Variants in SELENOP observed in about 807,000 individuals in gnomAD.
SELENOP encodes the protein selenoprotein P, plasma, 1.
Under a neutral mutation model 41.0 loss-of-function variants are expected in SELENOP, and 36 were observed. The observed-to-expected ratio is 0.88, with a 90% CI of 0.67 to 1.16. The LOEUF is 1.16. Ranked by LOEUF, SELENOP falls within the 50% of genes most tolerant of loss-of-function variation. The pLI is 0.00. For missense variants in SELENOP, 440 were observed against 454.2 expected, an observed-to-expected ratio of 0.97 and a Z score of 0.28; for synonymous variants, 144 against 150.8, an observed-to-expected ratio of 0.95 and a Z score of 0.33.
At chr5:42,805,924 A>G (rs1290677604) in intron 3 of SELENOP, 1 of 152,238 alleles carries the variant, frequency 6.6e-6, no homozygotes, top group Non-Finnish European at 1.5e-5. Context: ...GCAATAATCA[A>G]AAGCAAATAT....
rs1561282217 is a variant in SELENOP at position 42,800,717 on chromosome 5, T to C, written c.*3A>G. On this transcript the variant is annotated 3_prime_UTR_variant, in exon 5 of 5. Coordinates refer to ENST00000514985, the MANE Select transcript of SELENOP (RefSeq NM_005410.4). ...ATTGGGGAGTATGTCCTATTTTAAATATTTAGTTTGAAGGTCATTCTCACT... is the reference window on the plus strand; with the variant it reads ...ATTGGGGAGTATGTCCTATTTTAAACATTTAGTTTGAAGGTCATTCTCACT... 1.9e-6 allele frequency: 3 copies of C among 1,593,612 alleles called. No individual in the cohort carries two copies. Among genetic ancestry groups the C allele is most frequent in the East Asian group, 2.2e-5 (1 of 44,446 alleles).
chr5:42,808,059 A>T, intron 2 of SELENOP, 92 bp downstream of exon 2: 1 of 551,966 alleles, frequency 1.8e-6, no homozygotes, highest in Non-Finnish European at 2.9e-6. Flanking sequence ...GACTTAATAC[A>T]TTATTTACAC....
chr5:42,807,429 A>C (rs920200345), intron 2 of SELENOP: 5 of 175,336 alleles, frequency 2.9e-5, no homozygotes, highest in African/African-American at 4.8e-5. Context: ...AATGGTTGGA[A>C]AAAAAAAGAT....
intron 2 of SELENOP, chr5:42,807,333 G>A: frequency 3.3e-6 from 1 of 305,790 alleles, no homozygotes; most frequent in East Asian, 5.3e-5. Flanking sequence ...ACAAACATTG[G>A]TTTAGTTCTC....
chr5:42,804,875 T>TTTCCC, intron 3 of SELENOP, 102 bp from the exon 4 acceptor site: 1 of 700,970 alleles, frequency 1.4e-6, no homozygotes, highest in Non-Finnish European at 2.3e-6. Flanking sequence ...TGGTCATAAC[T>TTTCCC]AAGACCCTTT....
At chr5:42,804,446 G>A (rs1485499028) in intron 4 of SELENOP, among the ~76,000 whole-genome samples, 1 of 152,004 alleles carries the variant, frequency 6.6e-6, no homozygotes, top group African/African-American at 2.4e-5. Context: ...CGGCGACAGA[G>A]ACAGACTCCG....
At chr5:42,807,997 G>T (rs1760370286) in intron 2 of SELENOP, 154 bp downstream of exon 2, 1 of 402,650 alleles carries the variant, frequency 2.5e-6, no homozygotes, top group Non-Finnish European at 4.3e-6. Flanking sequence ...TATCATCCTA[G>T]TTTCTCTCTT....
intron 1 of SELENOP, chr5:42,810,668 C>T (rs1760439202): frequency 1.5e-5 from 3 of 202,748 alleles, no homozygotes; most frequent in African/African-American, 2.4e-5. Context: ...CCATGTTGGC[C>T]AGGCTGGTCT....
rs985058941 is a variant in SELENOP at position 42,800,989 on chromosome 5, A to G, written c.877T>C (p.Ser293Pro). The change falls in exon 5 of 5, where the codon TCA (serine) becomes CCA (proline). Residue 293 changes from serine (S) to proline (P), a missense_variant. By Grantham distance (74) the Ser-to-Pro change is moderately conservative. Coordinates refer to ENST00000514985, the MANE Select transcript of SELENOP (RefSeq NM_005410.4). ...NQLLCKLPTD[S>P]ELAPRSUCCH... ...CATCAGCTCCTAGGAGCCAACTCTG[A>G]ATCTGTGGGCAATTTACAGAGTAAT... 3.1e-6 allele frequency: 5 copies of G among 1,614,106 alleles called. No individual in the cohort carries two copies. The African/African-American group carries it at 6.7e-5, about 22-fold the overall frequency.
chr5:42,801,032 T>A lies in SELENOP; in HGVS notation c.834A>T (p.Arg278=). ...AGAGTAATTGATTTATACATCTCTT[T>A]CGACAGAGCTTCTTTTGTAAATCTT... ...DLQDLQKKLC[R]KRCINQLLCK... The change falls in exon 5 of 5, where the codon CGA becomes CGT. Residue 278 remains arginine, a synonymous_variant. Transcript: ENST00000514985. 6.2e-7 allele frequency: 1 copy of A among 1,614,260 alleles called. No homozygotes were observed. Among genetic ancestry groups the A allele is most frequent in the Non-Finnish European group, 8.5e-7 (1 of 1,180,038 alleles).
chr5:42,803,811 T>C lies in SELENOP; in HGVS notation c.534+845A>G, dbSNP rs28919912. On this transcript the variant is annotated intron_variant, in intron 4 of 4. Coordinates refer to ENST00000514985, the MANE Select transcript of SELENOP (RefSeq NM_005410.4). ...ATTTTCATGGTTGTTAGGAAATAAA[T>C]ACCAGTAATGAGTAGAAAACTTACT... 1.2e-3 allele frequency among the ~76,000 whole-genome samples: 176 copies of C among 152,304 alleles called. 4 individuals are homozygous for C. The East Asian group carries it at 0.033, about 28-fold the overall frequency.
chr5:42,807,131 C>G, intron 2 of SELENOP, 23 bp from the exon 3 acceptor site: 1 of 1,153,598 alleles, frequency 8.7e-7, no homozygotes, highest in Non-Finnish European at 1.3e-6. Flanking sequence ...GGAAGAAATA[C>G]ATAAAATGAA....
chr5:42,803,272 T>C lies in SELENOP; in HGVS notation c.534+1384A>G, dbSNP rs182088176. Among the ~76,000 whole-genome samples, 12 of 152,308 alleles carry C rather than the reference T, an allele frequency of 7.9e-5. 2 individuals are homozygous for C. The highest frequency in any genetic ancestry group is 2.9e-4 in the African/African-American group (12 of 41,578). On this transcript the variant is annotated intron_variant, in intron 4 of 4. Coordinates refer to ENST00000514985, the MANE Select transcript of SELENOP (RefSeq NM_005410.4). The stretch of plus-strand genomic sequence containing the variant: ...GGTATATTTATAACTAGCAAGCATT[T>C]GCACAAATGAGAAATGCAGAAATAA...
chr5:42,804,703 T>C lies in SELENOP; in HGVS notation c.487A>G (p.Ile163Val), dbSNP rs745792757. The C allele has an allele frequency of 4.3e-6, 7 of 1,611,082 alleles. No individual in the cohort carries two copies. Among genetic ancestry groups the C allele is most frequent in the Non-Finnish European group, 5.9e-6 (7 of 1,177,922 alleles). ...TTCTTTTCACAGTAAGCAATCTTAA[T>C]GGCTTCTTCTACATATGGGAAAGTT... The part of the protein sequence containing the change: ...FLTFPYVEEA[I>V]KIAYCEKKCG... Residue 163 changes from isoleucine (I) to valine (V), a missense_variant, in exon 4 of 5, where the codon ATT becomes GTT. Ile to Val is a conservative substitution (Grantham distance 29). Coordinates refer to ENST00000514985, the MANE Select transcript of SELENOP (RefSeq NM_005410.4).
intron 1 of SELENOP, among the ~76,000 whole-genome samples, chr5:42,811,514 A>C (rs1760457418): frequency 1.3e-5 from 2 of 152,200 alleles, no homozygotes; most frequent in Admixed American, 1.3e-4. Flanking sequence ...GAAAATATTT[A>C]AATTTGAACA....
chr5:42,800,802 CTTAT>C lies in SELENOP; in HGVS notation c.1060_1063del (p.Ile354ValfsTer?), dbSNP rs781538783. The stretch of plus-strand genomic sequence containing the variant: ...GGCTTCTGTGGGTATAAGCTGCTGA[CTTAT>C]TTGTCAGGCAGCTGGAGGCAAACGT... On this transcript the variant is annotated frameshift_variant, in exon 5 of 5. Transcript: ENST00000514985. LOFTEE classifies it high-confidence loss of function. The C allele has an allele frequency of 3.1e-6, 5 of 1,614,188 alleles. No individual in the cohort carries two copies. The African/African-American group carries it at 5.3e-5, about 17-fold the overall frequency.
At chr5:42,806,048 G>A (rs1359914883) in intron 3 of SELENOP, 1 of 152,186 alleles carries the variant, frequency 6.6e-6, no homozygotes, top group Non-Finnish European at 1.5e-5. Context: ...AATAATTACG[G>A]ATATGAGATA....
chr5:42,808,309 T>TC lies in SELENOP; in HGVS notation c.44_45insG (p.Ser16IlefsTer14). ...GGTCCTGGCTCTCTGTTCCTCCCGA[T>TC]GGGAGGAGACAGAGAGCCAGGGCAA... On this transcript the variant is annotated frameshift_variant, in exon 2 of 5. Transcript: ENST00000514985. LOFTEE classifies it high-confidence loss of function. 2.0e-6 allele frequency: 3 copies of TC among 1,494,102 alleles called. No homozygotes were observed. The highest frequency in any genetic ancestry group is 1.4e-5 in the South Asian group (1 of 72,630). 92.6% of individuals were successfully genotyped at this position (1,494,102 alleles called of 1,614,324 possible). A position where few individuals can be genotyped will look rare whatever the true frequency, so the allele number is the denominator to read the frequency against.
Position 42,804,688 on chromosome 5 carries a change from A to C in SELENOP, c.502T>G (p.Cys168Gly). Reference sequence around the variant, plus strand: ...GAGCAGTTTCCACATTTCTTTTCACAGTAAGCAATCTTAATGGCTTCTTCT... The same window carrying C: ...GAGCAGTTTCCACATTTCTTTTCACCGTAAGCAATCTTAATGGCTTCTTCT... The part of the protein sequence containing the change: ...YVEEAIKIAY[C>G]EKKCGNCSLT... The change falls in exon 4 of 5, where the codon TGT (cysteine) becomes GGT (glycine). Residue 168 changes from cysteine (C) to glycine (G), a missense_variant. Coordinates refer to ENST00000514985, the MANE Select transcript of SELENOP (RefSeq NM_005410.4). 6.2e-7 allele frequency: 1 copy of C among 1,604,048 alleles called. No homozygotes were observed. The highest frequency in any genetic ancestry group is 8.5e-7 in the Non-Finnish European group (1 of 1,173,100).
Sources: allele counts gnomAD v4.1 joint callset (sites outside exome capture counted in the v4.1 genomes callset), GRCh38; gene constraint gnomAD v4.1.1; transcripts MANE v1.5; gene names NCBI Gene and HGNC (gene_info 2026-07-23, HGNC 2026-07-21).